SLC8A1: variants seen among roughly 807,000 people sequenced by gnomAD.
SLC8A1 encodes solute carrier family 8 member A1.
SLC8A1 carries 18 observed loss-of-function variants against 68.3 expected under a neutral mutation model. The observed-to-expected ratio is 0.26, with a 90% CI of 0.18 to 0.39. The LOEUF (loss-of-function observed/expected upper bound fraction) is 0.39, where lower values mean the gene tolerates loss of function less well. Among genes scored for constraint, SLC8A1 ranks in the 10% least tolerant of loss-of-function variants. SLC8A1 has a pLI of 1.00. For synonymous variants in SLC8A1, 475 were observed against 415.5 expected (o/e 1.14, Z -1.74); for missense variants, 985 against 1,156.7 (o/e 0.85, Z 2.15).
intron 2 of SLC8A1, among the ~76,000 whole-genome samples, chr2:40,394,752 A>C (rs1443375519): frequency 6.6e-6 from 1 of 151,766 alleles, no homozygotes; most frequent in Non-Finnish European, 1.5e-5. Flanking sequence ...TCCTTCTTTA[A>C]AAAAAAATTA....
intron 2 of SLC8A1, among the ~76,000 whole-genome samples, chr2:40,307,240 T>A (rs2072823247): frequency 6.6e-6 from 1 of 151,944 alleles, no homozygotes; most frequent in South Asian, 2.1e-4. Context: ...GAAATCCCTG[T>A]CACATGGTAC....
At chr2:40,377,144 G>A (rs973215213) in intron 2 of SLC8A1, among the ~76,000 whole-genome samples, 1 of 152,040 alleles carries the variant, frequency 6.6e-6, no homozygotes, top group Non-Finnish European at 1.5e-5. Flanking sequence ...AGTTTATCCC[G>A]AGTGAGCCTA....
intron 2 of SLC8A1, among the ~76,000 whole-genome samples, chr2:40,183,570 T>C (rs1369433361): frequency 6.6e-6 from 1 of 152,210 alleles, no homozygotes; most frequent in Non-Finnish European, 1.5e-5. Flanking sequence ...GGGGACTTGT[T>C]AGAATTGCAG....
chr2:40,306,617 A>G (rs185943759), intron 2 of SLC8A1, among the ~76,000 whole-genome samples: 1 of 152,196 alleles, frequency 6.6e-6, no homozygotes, highest in Non-Finnish European at 1.5e-5. Flanking sequence ...TTGCCAAAGG[A>G]AAGTGTGACA....
At chr2:40,220,301 A>G (rs975143117) in intron 2 of SLC8A1, 6 of 152,168 alleles carry the variant, frequency 3.9e-5, no homozygotes, top group African/African-American at 1.4e-4. Context: ...GGGAGTGCCA[A>G]CTCTGACAGC....
intron 2 of SLC8A1, among the ~76,000 whole-genome samples, chr2:40,362,599 A>G (rs979928741): frequency 2.6e-5 from 4 of 152,184 alleles, no homozygotes; most frequent in Non-Finnish European, 5.9e-5. Flanking sequence ...TGTGACAATT[A>G]CAGTTGCAAA....
At chr2:40,257,445 CT>C (rs1558990934) in intron 2 of SLC8A1, among the ~76,000 whole-genome samples, 1 of 150,578 alleles carries the variant, frequency 6.6e-6, no homozygotes, top group Admixed American at 6.6e-5. Flanking sequence ...TTGACCTTTC[CT>C]TTTTTTGACC....
chr2:40,151,854 C>T (rs1573221086), intron 6 of SLC8A1, among the ~76,000 whole-genome samples: 1 of 152,138 alleles, frequency 6.6e-6, no homozygotes, highest in Non-Finnish European at 1.5e-5. Context: ...AGATAAAGTA[C>T]TAGTTTTCAA....
At chr2:40,140,877 G>C (rs2041434232) in intron 6 of SLC8A1, among the ~76,000 whole-genome samples, 1 of 152,148 alleles carries the variant, frequency 6.6e-6, no homozygotes, top group African/African-American at 2.4e-5. Context: ...CATATTATCA[G>C]TGTACAAAGA....
At chr2:40,165,033 G>A (rs779783736) in intron 4 of SLC8A1, 49 bp from the exon 8 acceptor site, 2 of 1,607,920 alleles carry the variant, frequency 1.2e-6, no homozygotes, top group African/African-American at 1.3e-5. Flanking sequence ...TGTTTAATTT[G>A]GAAATCCCTG....
chr2:40,141,800 G>A (rs1224003362), intron 6 of SLC8A1, among the ~76,000 whole-genome samples: 2 of 152,172 alleles, frequency 1.3e-5, no homozygotes, highest in African/African-American at 4.8e-5. Flanking sequence ...CCATTAGGGT[G>A]AGTTCTAACC....
chr2:40,508,407 A>G (rs1706502938), intron 1 of SLC8A1, among the ~76,000 whole-genome samples: 1 of 151,904 alleles, frequency 6.6e-6, no homozygotes, highest in South Asian at 2.1e-4. Context: ...AAATTTGCCA[A>G]TGTTTTAGAA....
At chr2:40,313,136 G>A (rs1008347408) in intron 2 of SLC8A1, among the ~76,000 whole-genome samples, 33 of 152,022 alleles carry the variant, frequency 2.2e-4, no homozygotes, top group African/African-American at 7.7e-4. Context: ...TATTGTCACT[G>A]TGGATTAGTA....
At chr2:40,115,927 T>C (rs2035250356) in intron 7 of SLC8A1, among the ~76,000 whole-genome samples, 1 of 152,204 alleles carries the variant, frequency 6.6e-6, no homozygotes. Context: ...CAGCATTTTT[T>C]CAGAAAGTAG....
At chr2:40,108,761 T>A (rs2034380612) in exon 8 of SLC8A1, 1 of 152,184 alleles carries the variant, frequency 6.6e-6, no homozygotes, top group Admixed American at 6.5e-5. Context: ...ACATAGTTGG[T>A]TACTTAATTG....
At chr2:40,429,347 C>A in exon 2 of SLC8A1, 3 of 1,613,884 alleles carry the variant, frequency 1.9e-6, no homozygotes, top group Middle Eastern at 1.7e-4. Flanking sequence ...CTCTCATCCA[C>A]CTCCAGAACC....
chr2:40,110,297 G>T (rs1336638043), exon 8 of SLC8A1: 3 of 152,090 alleles, frequency 2.0e-5, no homozygotes, highest in African/African-American at 7.2e-5. Context: ...CTGTCCTTGT[G>T]GGTGTAATAC....
At chr2:40,142,905 A>G (rs944447432) in intron 6 of SLC8A1, among the ~76,000 whole-genome samples, 1 of 151,962 alleles carries the variant, frequency 6.6e-6, no homozygotes, top group Non-Finnish European at 1.5e-5. Context: ...TTGCCCTCTG[A>G]AATTACCTTC....
intron 7 of SLC8A1, among the ~76,000 whole-genome samples, chr2:40,137,237 A>G (rs2040675129): frequency 6.6e-6 from 1 of 152,244 alleles, no homozygotes; most frequent in South Asian, 2.1e-4. Context: ...TGACATTTAG[A>G]AAAAGCCAGC....
Sources: allele counts gnomAD v4.1 joint callset (sites outside exome capture counted in the v4.1 genomes callset), GRCh38; gene constraint gnomAD v4.1.1; transcripts MANE v1.5; gene names NCBI Gene and HGNC (gene_info 2026-07-23, HGNC 2026-07-21).